BMAL1: variants seen among roughly 807,000 people sequenced by gnomAD.
The protein encoded by BMAL1 is basic helix-loop-helix ARNT-like protein 1.
the BMAL1 span, chr11:13,365,322 A>AG: frequency 3.2e-6 from 1 of 309,484 alleles, no homozygotes; most frequent in Non-Finnish European, 6.0e-6. Context: ...CACACACACA[A>AG]TCTTACAGTT....
chr11:13,291,367 T>C, the BMAL1 span, among the ~76,000 whole-genome samples: 1 of 152,190 alleles, frequency 6.6e-6, no homozygotes, highest in Non-Finnish European at 1.5e-5. Context: ...GCAAAATCTC[T>C]GTTTTTAAGG....
At chr11:13,307,554 C>G in the BMAL1 span, among the ~76,000 whole-genome samples, 1 of 152,160 alleles carries the variant, frequency 6.6e-6, no homozygotes, top group Non-Finnish European at 1.5e-5. Context: ...CCCACTGCCA[C>G]CAAGGGCATA....
At chr11:13,387,195 A>T in the BMAL1 span, 1 of 153,984 alleles carries the variant, frequency 6.5e-6, no homozygotes, top group African/African-American at 2.4e-5. Context: ...ATCCTTTACT[A>T]TAAATATGGG....
chr11:13,354,207 A>AACCCCCCCCCCCCCCCCC, the BMAL1 span: 1 of 205,814 alleles, frequency 4.9e-6, no homozygotes, highest in East Asian at 2.8e-4. Context: ...CCGGCCCCCC[A>AACCCCCCCCCCCCCCCCC]CCACCAAACC....
chr11:13,292,835 C>CTGG, the BMAL1 span, among the ~76,000 whole-genome samples: 1 of 152,144 alleles, frequency 6.6e-6, no homozygotes, highest in Non-Finnish European at 1.5e-5. Context: ...AGGAAACACC[C>CTGG]AAGGGGGCAC....
the BMAL1 span, among the ~76,000 whole-genome samples, chr11:13,293,827 TA>T: frequency 1.3e-5 from 2 of 152,378 alleles, no homozygotes; most frequent in African/African-American, 4.8e-5. Flanking sequence ...GAATGTGAAC[TA>T]ATCATTTTTA....
chr11:13,284,164 G>A, the BMAL1 span, among the ~76,000 whole-genome samples: 6,084 of 33,422 alleles, frequency 0.18, 1,177 homozygotes, highest in African/African-American at 0.46. Context: ...ATATATGTGT[G>A]TATATATATA....
chr11:13,293,631 G>A, the BMAL1 span, among the ~76,000 whole-genome samples: 1 of 152,244 alleles, frequency 6.6e-6, no homozygotes, highest in African/African-American at 2.4e-5. Flanking sequence ...CAGGCAGAAA[G>A]GTTCTGCTCT....
At chr11:13,355,077 G>C in the BMAL1 span, 1 of 614,726 alleles carries the variant, frequency 1.6e-6, no homozygotes. Context: ...GAATAAGGCA[G>C]TGTAGAATAT....
the BMAL1 span, among the ~76,000 whole-genome samples, chr11:13,288,924 A>G: frequency 6.6e-6 from 1 of 152,222 alleles, no homozygotes; most frequent in Non-Finnish European, 1.5e-5. Flanking sequence ...AATTCTCCAG[A>G]CAGAAAGTGC....
At chr11:13,324,036 A>C in the BMAL1 span, among the ~76,000 whole-genome samples, 2 of 152,208 alleles carry the variant, frequency 1.3e-5, no homozygotes, top group African/African-American at 4.8e-5. Flanking sequence ...CTGTCATTTC[A>C]AACATTGCAG....
At chr11:13,283,962 T>C in the BMAL1 span, among the ~76,000 whole-genome samples, 8 of 151,292 alleles carry the variant, frequency 5.3e-5, no homozygotes, top group Non-Finnish European at 1.2e-4. Context: ...CCCACCCTCA[T>C]CTAGCCATCT....
At chr11:13,365,282 AACACACACACAC>A in the BMAL1 span, 125 of 182,714 alleles carry the variant, frequency 6.8e-4, 1 homozygote, top group Middle Eastern at 2.0e-3. Flanking sequence ...GATATGCAGA[AACACACACACAC>A]ACACACACAC....
At chr11:13,317,079 A>G in the BMAL1 span, among the ~76,000 whole-genome samples, 1 of 152,212 alleles carries the variant, frequency 6.6e-6, no homozygotes, top group African/African-American at 2.4e-5. Context: ...TGTGCTTAGC[A>G]CCGTGACTGG....
At chr11:13,304,545 A>T in the BMAL1 span, among the ~76,000 whole-genome samples, 7 of 152,296 alleles carry the variant, frequency 4.6e-5, no homozygotes, top group East Asian at 9.6e-4. Flanking sequence ...TTCAGCACAG[A>T]TGGGCAATTC....
chr11:13,364,399 C>A, the BMAL1 span, among the ~76,000 whole-genome samples: 6 of 152,252 alleles, frequency 3.9e-5, no homozygotes, highest in Non-Finnish European at 5.9e-5. Flanking sequence ...CCTTCTGGCA[C>A]ATTAATTCAT....
At chr11:13,293,932 A>G in the BMAL1 span, among the ~76,000 whole-genome samples, 1 of 152,254 alleles carries the variant, frequency 6.6e-6, no homozygotes, top group Admixed American at 6.5e-5. Context: ...TGCAGTTATA[A>G]AATGCTTCTG....
chr11:13,277,024 A>T, the BMAL1 span: 1 of 152,234 alleles, frequency 6.6e-6, no homozygotes, highest in African/African-American at 2.4e-5. Context: ...GAACTACGGG[A>T]ATGACAGCTC....
chr11:13,370,694 A>G, the BMAL1 span, among the ~76,000 whole-genome samples: 2 of 152,170 alleles, frequency 1.3e-5, no homozygotes, highest in African/African-American at 4.8e-5. Flanking sequence ...ACCAGGTCTC[A>G]TAAAGTGTAG....
Sources: allele counts gnomAD v4.1 joint callset (sites outside exome capture counted in the v4.1 genomes callset), GRCh38; gene constraint gnomAD v4.1.1; transcripts MANE v1.5; gene names NCBI Gene and HGNC (gene_info 2026-07-23, HGNC 2026-07-21).